Variants in GPBP1 observed in about 807,000 individuals in gnomAD.
GPBP1 encodes the protein vasculin.
A neutral mutation model predicts 56.5 loss-of-function variants in GPBP1; 13 were observed. The ratio of observed to expected loss-of-function variants is 0.23; its 90% CI spans 0.15 to 0.37. The LOEUF (loss-of-function observed/expected upper bound fraction) is 0.37, where lower values mean the gene tolerates loss of function less well. Among genes scored for constraint, GPBP1 ranks in the 10% least tolerant of loss-of-function variants. The probability of loss-of-function intolerance (pLI) is 1.00; values close to 1 mark genes in which losing one functional copy is unlikely to be tolerated. For missense variants in GPBP1, 477 were observed against 572.3 expected, an observed-to-expected ratio of 0.83 and a Z score of 1.70; for synonymous variants, 204 against 188.9, an observed-to-expected ratio of 1.08 and a Z score of -0.66.
At chr5:57,250,901 C>A in intron 9 of GPBP1, 53 bp from the exon 10 acceptor site, 3 of 1,214,474 alleles carry the variant, frequency 2.5e-6, no homozygotes, top group East Asian at 2.5e-5. Flanking sequence ...TTTTTAATAA[C>A]TGTATTCTGT....
intron 2 of GPBP1, among the ~76,000 whole-genome samples, chr5:57,193,041 G>T (rs1345700831): frequency 6.6e-6 from 1 of 152,192 alleles, no homozygotes; most frequent in Non-Finnish European, 1.5e-5. Context: ...TGTTGGCCGG[G>T]CACGGTGACT....
intron 6 of GPBP1, chr5:57,237,045 T>C (rs1031656838): frequency 8.9e-7 from 1 of 1,126,944 alleles, no homozygotes; most frequent in Non-Finnish European, 1.3e-6. Context: ...CAGACACTTT[T>C]GTTAGAACCA....
chr5:57,234,707 G>A (rs762397730), intron 5 of GPBP1, among the ~76,000 whole-genome samples: 2 of 152,206 alleles, frequency 1.3e-5, no homozygotes, highest in Admixed American at 6.5e-5. Context: ...CGTGTGAGAT[G>A]GATTTGATGT....
At chr5:57,183,194 C>T (rs1000666064) in intron 2 of GPBP1, among the ~76,000 whole-genome samples, 26 of 151,676 alleles carry the variant, frequency 1.7e-4, no homozygotes, top group African/African-American at 6.1e-4. Flanking sequence ...GGCGAAACCC[C>T]GTCTCTAATA....
chr5:57,203,401 C>T (rs1755100781), intron 2 of GPBP1, among the ~76,000 whole-genome samples: 2 of 151,958 alleles, frequency 1.3e-5, no homozygotes, highest in Admixed American at 6.6e-5. Flanking sequence ...TTTGGGAGGC[C>T]GAGGCGGGCA....
At chr5:57,219,599 G>C (rs1016209908) in intron 3 of GPBP1, among the ~76,000 whole-genome samples, 2 of 151,882 alleles carry the variant, frequency 1.3e-5, no homozygotes, top group Non-Finnish European at 2.9e-5. Flanking sequence ...CCCCTGTACC[G>C]AGCTGCTCTT....
At position 57,249,581 on chromosome 5, in the gene GPBP1, T is replaced by A. The variant is rs768355252; in HGVS notation, c.972+5T>A. 6 of 1,597,754 alleles carry A rather than the reference T, an allele frequency of 3.8e-6. No individual in the cohort carries two copies. Among genetic ancestry groups the A allele is most frequent in the Non-Finnish European group, 5.1e-6 (6 of 1,173,726 alleles). On this transcript the variant is annotated splice_donor_5th_base_variant and intron_variant, in intron 9 of 11. Transcript: ENST00000506184. ...AGCCGTGCTGGCTCAGAGAAGGTAA[T>A]TGAATTTATAGCAATACTTGATTTG...
chr5:57,215,618 A>G (rs746140551), intron 3 of GPBP1, among the ~76,000 whole-genome samples: 3 of 152,240 alleles, frequency 2.0e-5, no homozygotes, highest in Non-Finnish European at 4.4e-5. Context: ...TTCATTCAGA[A>G]CTAGCTGGCC....
chr5:57,230,729 C>T (rs775995011), intron 3 of GPBP1, 117 bp from the exon 4 acceptor site: 1 of 831,572 alleles, frequency 1.2e-6, no homozygotes, highest in South Asian at 1.5e-5. Flanking sequence ...AAAATAACTG[C>T]AATATGTTTT....
At chr5:57,190,916 T>C (rs1754495010) in intron 2 of GPBP1, among the ~76,000 whole-genome samples, 1 of 151,674 alleles carries the variant, frequency 6.6e-6, no homozygotes, top group African/African-American at 2.4e-5. Flanking sequence ...CCATGTTGCC[T>C]AGAACTCTAG....
rs376123062 is a variant in GPBP1 at position 57,218,154 on chromosome 5, A to G, written c.63+3961A>G. 2.0e-5 allele frequency among the ~76,000 whole-genome samples: 3 copies of G among 152,132 alleles called. No homozygotes were observed. The South Asian group carries it at 6.2e-4, about 31-fold the overall frequency. ...CACATAATTTGGATTCTCCCCCTCA[A>G]AGCAGTTCTCCAGCAGACACTACCT... On this transcript the variant is annotated intron_variant, in intron 3 of 11. Coordinates refer to ENST00000506184, the MANE Select transcript of GPBP1 (RefSeq NM_022913.4).
intron 5 of GPBP1, among the ~76,000 whole-genome samples, chr5:57,234,127 G>A (rs1756570672): frequency 2.0e-5 from 3 of 152,040 alleles, no homozygotes; most frequent in Non-Finnish European, 4.4e-5. Context: ...ATGTATATTT[G>A]CTTTACAATA....
At chr5:57,189,058 T>G (rs1037679443) in intron 2 of GPBP1, among the ~76,000 whole-genome samples, 5 of 152,188 alleles carry the variant, frequency 3.3e-5, no homozygotes, top group Non-Finnish European at 7.3e-5. Context: ...AGTGGTGTGA[T>G]CTTGGCTCAC....
In GPBP1 at chr5:57,247,848, G is replaced by A. The variant is rs139241249; in HGVS notation, c.804+633G>A. Among the ~76,000 whole-genome samples the A allele has an allele frequency of 3.2e-3, 481 of 152,184 alleles. 4 individuals are homozygous for A. The highest frequency in any genetic ancestry group is 0.011 in the African/African-American group (457 of 41,534). Reference sequence around the variant, plus strand: ...TGCCTTGACCTCCTGGGCTCAAGCAGTCCTCCCATCTTAGTCTCCTGATTG... The same window carrying A: ...TGCCTTGACCTCCTGGGCTCAAGCAATCCTCCCATCTTAGTCTCCTGATTG... On this transcript the variant is annotated intron_variant, in intron 8 of 11. Coordinates refer to ENST00000506184, the MANE Select transcript of GPBP1 (RefSeq NM_022913.4).
chr5:57,237,360 G>T (rs1740572224), intron 6 of GPBP1: 1 of 574,390 alleles, frequency 1.7e-6, no homozygotes, highest in Admixed American at 3.0e-5. Flanking sequence ...GATACTATTG[G>T]TACTGATCCT....
intron 2 of GPBP1, among the ~76,000 whole-genome samples, chr5:57,203,516 A>T (rs1755105621): frequency 6.6e-6 from 1 of 152,100 alleles, no homozygotes. Context: ...GGTGCTACAC[A>T]CCTGTGTAAT....
chr5:57,230,478 C>G (rs549931251), intron 3 of GPBP1, among the ~76,000 whole-genome samples: 2 of 152,224 alleles, frequency 1.3e-5, no homozygotes, highest in South Asian at 2.1e-4. Flanking sequence ...CAATTTTTCT[C>G]TGATGTAGAA....
chr5:57,229,168 T>C (rs1756325822), intron 3 of GPBP1, among the ~76,000 whole-genome samples: 2 of 139,312 alleles, frequency 1.4e-5, no homozygotes, highest in Non-Finnish European at 3.0e-5. Context: ...GAGGTGAAGG[T>C]TGCAGTGAGC....
intron 2 of GPBP1, among the ~76,000 whole-genome samples, chr5:57,211,935 TAAA>T (rs145212816): frequency 6.6e-6 from 1 of 151,432 alleles, no homozygotes; most frequent in Non-Finnish European, 1.5e-5. Flanking sequence ...CAATTTTAAT[TAAA>T]AAAAAATTTT....
Sources: allele counts gnomAD v4.1 joint callset (sites outside exome capture counted in the v4.1 genomes callset), GRCh38; gene constraint gnomAD v4.1.1; transcripts MANE v1.5; gene names NCBI Gene and HGNC (gene_info 2026-07-23, HGNC 2026-07-21).